Variants in PCGF6 observed in about 807,000 individuals in gnomAD.
PCGF6 encodes polycomb group ring finger 6.
PCGF6 carries 24 observed loss-of-function variants against 45.5 expected under a neutral mutation model. That is an observed-to-expected ratio of 0.53 (90% confidence interval 0.38 to 0.74). The LOEUF is 0.74. PCGF6 is among the 30% of genes least tolerant of loss of function. PCGF6 has a pLI of 0.00. For missense variants in PCGF6, 356 were observed against 443.2 expected (o/e 0.80, Z 1.77); for synonymous variants, 152 against 162.1 (o/e 0.94, Z 0.47).
At position 103,349,011 on chromosome 10, in the gene PCGF6, C is replaced by T. The variant is rs779145930; in HGVS notation, c.361-12G>A. On this transcript the variant is annotated splice_polypyrimidine_tract_variant and intron_variant, in intron 1 of 9. Transcript: ENST00000369847. Reference sequence around the variant, plus strand: ...AGATTAATCAGGCGCTGCAAATAAACGGAAACAGTTTTAAAATACAAGTCC... The same window carrying T: ...AGATTAATCAGGCGCTGCAAATAAATGGAAACAGTTTTAAAATACAAGTCC... The T allele has an allele frequency of 6.9e-6, 11 of 1,591,802 alleles. No homozygotes were observed. The highest frequency in any genetic ancestry group is 6.8e-5 in the African/African-American group (5 of 73,684).
In PCGF6 at chr10:103,333,961, TGA is replaced by T. The variant is rs2093248475; in HGVS notation, c.783-11_783-10del. The T allele has an allele frequency of 1.3e-6, 2 of 1,527,262 alleles. No individual in the cohort carries two copies. Among genetic ancestry groups the T allele is most frequent in the African/African-American group, 1.4e-5 (1 of 70,490 alleles). 94.6% of individuals were successfully genotyped at this position (1,527,262 alleles called of 1,614,324 possible). ...CCGTGCCTTCATTAGCACTGAAAAA[TGA>T]GAGCAAAATTAATCAATATTTAATA... On this transcript the variant is annotated splice_polypyrimidine_tract_variant and intron_variant, in intron 6 of 9. Transcript: ENST00000369847.
chr10:103,320,042 G>A (rs939050929), intron 8 of PCGF6, among the ~76,000 whole-genome samples: 9 of 151,996 alleles, frequency 5.9e-5, no homozygotes, highest in Non-Finnish European at 1.2e-4. Flanking sequence ...TCTTGACCTC[G>A]TGATCCGCCC....
intron 9 of PCGF6, among the ~76,000 whole-genome samples, chr10:103,306,140 C>T (rs1043961361): frequency 8.6e-5 from 13 of 151,308 alleles, no homozygotes; most frequent in African/African-American, 1.7e-4. Flanking sequence ...CTCTCTTGCC[C>T]AGGTTGGAGT....
intron 8 of PCGF6, among the ~76,000 whole-genome samples, chr10:103,320,568 T>C (rs1043403342): frequency 6.6e-6 from 1 of 151,902 alleles, no homozygotes; most frequent in East Asian, 1.9e-4. Flanking sequence ...ATGCCTGTAA[T>C]CCCAGCTACT....
chr10:103,317,763 G>GT (rs199856362), intron 8 of PCGF6, among the ~76,000 whole-genome samples: 4,322 of 147,200 alleles, frequency 0.029, 81 homozygotes, highest in Middle Eastern at 0.039. Flanking sequence ...TCTTTTTTCT[G>GT]TTTTTTTTTT....
In PCGF6 at chr10:103,350,897, G is replaced by A; in HGVS notation, c.170C>T (p.Ser57Phe). ...CTCCAGCTCAGGGGGCCGGGAGCCG[G>A]AGCAGCCGGGAGCCCCCGTCTCAGA... ...PLSETGAPGC[S>F]GSRPPELEPE... Residue 57 changes from serine (S) to phenylalanine (F), a missense_variant, in exon 1 of 10, where the codon TCC becomes TTC. By Grantham distance (155) the Ser-to-Phe change is radical (BLOSUM62 -2). Transcript: ENST00000369847. The A allele has an allele frequency of 6.6e-7, 1 of 1,526,168 alleles. No individual in the cohort carries two copies. The highest frequency in any genetic ancestry group is 8.8e-7 in the Non-Finnish European group (1 of 1,140,206). 94.5% of individuals were successfully genotyped at this position (1,526,168 alleles called of 1,614,324 possible). A position where few individuals can be genotyped will look rare whatever the true frequency, so the allele number is the denominator to read the frequency against.
intron 7 of PCGF6, among the ~76,000 whole-genome samples, chr10:103,332,749 G>GA (rs2093244483): frequency 3.3e-5 from 5 of 152,082 alleles, no homozygotes. Context: ...ATGGCTACGA[G>GA]AATTTCCTAA....
intron 5 of PCGF6, among the ~76,000 whole-genome samples, chr10:103,346,170 G>C (rs2093298318): frequency 6.7e-6 from 1 of 148,590 alleles, no homozygotes. Context: ...ACTCCAGCCT[G>C]TGCGACAGAG....
intron 7 of PCGF6, among the ~76,000 whole-genome samples, chr10:103,327,831 C>T (rs926378458): frequency 6.7e-6 from 1 of 149,010 alleles, no homozygotes; most frequent in Non-Finnish European, 1.5e-5. Flanking sequence ...TGCACCACTA[C>T]GCCCAACTAA....
rs1592064288 is a variant in PCGF6 at position 103,326,220 on chromosome 10, C to T, written c.909+314G>A. On this transcript the variant is annotated intron_variant, in intron 8 of 9. Coordinates refer to ENST00000369847, the MANE Select transcript of PCGF6 (RefSeq NM_001011663.2). ...AGACCACAGTGAAACCCCTTCTCTA[C>T]TAAAAATACAAAAAAAAAATCAGCC... Among the ~76,000 whole-genome samples the T allele has an allele frequency of 2.6e-5, 4 of 151,546 alleles. 1 individual carries two copies. Among genetic ancestry groups the T allele is most frequent in the Middle Eastern group, 6.8e-3 (2 of 294 alleles).
chr10:103,311,405 G>C (rs965117413), intron 9 of PCGF6, among the ~76,000 whole-genome samples: 2 of 150,946 alleles, frequency 1.3e-5, no homozygotes, highest in African/African-American at 4.9e-5. Flanking sequence ...GCCTTCCAAA[G>C]TGCTGGGATT....
intron 6 of PCGF6, among the ~76,000 whole-genome samples, chr10:103,342,974 G>A (rs886127194): frequency 6.6e-6 from 1 of 152,066 alleles, no homozygotes; most frequent in South Asian, 2.1e-4. Context: ...TGCCGCCCAG[G>A]CTGGAGTGCA....
chr10:103,328,067 G>C (rs7908588), intron 7 of PCGF6, among the ~76,000 whole-genome samples: 4 of 152,090 alleles, frequency 2.6e-5, no homozygotes, highest in African/African-American at 9.7e-5. Context: ...TGTAGGAGGT[G>C]ATAAGTAGAT....
chr10:103,318,102 A>G (rs1461721575), intron 8 of PCGF6, among the ~76,000 whole-genome samples: 1 of 150,976 alleles, frequency 6.6e-6, no homozygotes, highest in East Asian at 2.0e-4. Context: ...GTCCTAGAAC[A>G]CTATGTGTGC....
At position 103,348,955 on chromosome 10, in the gene PCGF6, G is replaced by A. The variant is rs1457437064; in HGVS notation, c.405C>T (p.Ser135=). 1.9e-6 allele frequency: 3 copies of A among 1,613,822 alleles called. No individual in the cohort carries two copies. The highest frequency in any genetic ancestry group is 2.2e-5 in the East Asian group (1 of 44,892). ...LSELTPYILC[S]ICKGYLIDAT... Reference sequence around the variant, plus strand: ...CATCTATTAAGTAACCTTTGCAAATGGAACACAAGATGTATGGGGTCAGCT... The same window carrying A: ...CATCTATTAAGTAACCTTTGCAAATAGAACACAAGATGTATGGGGTCAGCT... Residue 135 remains serine, a synonymous_variant, in exon 2 of 10, where the codon TCC becomes TCT. Transcript: ENST00000369847.
At chr10:103,331,475 C>G (rs1295087041) in intron 7 of PCGF6, among the ~76,000 whole-genome samples, 1 of 152,068 alleles carries the variant, frequency 6.6e-6, no homozygotes, top group Non-Finnish European at 1.5e-5. Context: ...CCAGGCTAGT[C>G]TCGAACTCCT....
chr10:103,340,874 A>G (rs1343015380), intron 6 of PCGF6, among the ~76,000 whole-genome samples: 1 of 152,146 alleles, frequency 6.6e-6, no homozygotes, highest in African/African-American at 2.4e-5. Context: ...AAGTGCTAGG[A>G]TTACAGGCAT....
chr10:103,348,692 T>C (rs2093308667), intron 3 of PCGF6, 24 bp downstream of exon 3: 1 of 1,429,306 alleles, frequency 7.0e-7, no homozygotes, highest in Non-Finnish European at 9.6e-7. Context: ...TAAAATACAA[T>C]TGTAATTTAT....
chr10:103,315,839 T>C (rs2093173095), intron 8 of PCGF6, among the ~76,000 whole-genome samples: 1 of 152,100 alleles, frequency 6.6e-6, no homozygotes, highest in Non-Finnish European at 1.5e-5. Context: ...GAGAGAATAT[T>C]GTTGTATATA....
Sources: allele counts gnomAD v4.1 joint callset (sites outside exome capture counted in the v4.1 genomes callset), GRCh38; gene constraint gnomAD v4.1.1; transcripts MANE v1.5; gene names NCBI Gene and HGNC (gene_info 2026-07-23, HGNC 2026-07-21).